Variants in ATXN1 observed in about 807,000 individuals in gnomAD.
ATXN1 encodes the protein ataxin-1.
A neutral mutation model predicts 56.4 loss-of-function variants in ATXN1; 8 were observed. The ratio of observed to expected loss-of-function variants is 0.14; its 90% CI spans 0.08 to 0.26. ATXN1 has a LOEUF of 0.26. ATXN1 is among the 10% of genes least tolerant of loss of function. ATXN1 has a pLI of 1.00. For synonymous variants in ATXN1, 514 were observed against 494.6 expected, an observed-to-expected ratio of 1.04 and a Z score of -0.52; for missense variants, 987 against 1,106.5, an observed-to-expected ratio of 0.89 and a Z score of 1.53.
chr6:16,524,988 G>A lies in ATXN1; in HGVS notation c.-360-2300C>T, dbSNP rs1159147180. ...AATTGCTTGAACTCGGGAGGCAGAA[G>A]TTGCAGTGAGCCAAGATCATGCCAC... is the stretch of plus-strand genomic sequence containing the variant. On this transcript the variant is annotated intron_variant, in intron 4 of 7. Transcript: ENST00000436367. 2.6e-5 allele frequency among the ~76,000 whole-genome samples: 4 copies of A among 152,304 alleles called. No homozygotes were observed. The East Asian group carries it at 7.7e-4, about 29-fold the overall frequency.
chr6:16,761,241 GA>G, intron 1 of ATXN1, 56 bp downstream of exon 1: 1 of 420,666 alleles, frequency 2.4e-6, no homozygotes, highest in Non-Finnish European at 4.8e-6. Context: ...AATAAGGGGA[GA>G]AGGGAATGGG....
At chr6:16,385,245 G>A (rs548397384) in intron 6 of ATXN1, among the ~76,000 whole-genome samples, 67 of 152,334 alleles carry the variant, frequency 4.4e-4, no homozygotes, top group Non-Finnish European at 2.4e-4. Context: ...ATCTCTTGAA[G>A]GTATGGAGAA....
intron 5 of ATXN1, among the ~76,000 whole-genome samples, chr6:16,491,671 C>A (rs1191519555): frequency 1.1e-4 from 16 of 152,112 alleles, no homozygotes; most frequent in Admixed American, 9.2e-4. Context: ...ATGTCCCCTG[C>A]CAGACACACA....
At chr6:16,482,632 G>A (rs938837066) in intron 6 of ATXN1, among the ~76,000 whole-genome samples, 4 of 152,034 alleles carry the variant, frequency 2.6e-5, no homozygotes, top group African/African-American at 7.2e-5. Flanking sequence ...TTCAAAAATC[G>A]TTCCTGTTTA....
At chr6:16,533,729 C>T (rs1272726408) in intron 4 of ATXN1, among the ~76,000 whole-genome samples, 1 of 152,156 alleles carries the variant, frequency 6.6e-6, no homozygotes, top group Non-Finnish European at 1.5e-5. Context: ...AAGTCTTCTT[C>T]TTTCCCTAAC....
At chr6:16,757,688 G>A (rs181876079) in intron 1 of ATXN1, among the ~76,000 whole-genome samples, 40 of 152,292 alleles carry the variant, frequency 2.6e-4, no homozygotes, top group African/African-American at 8.9e-4. Context: ...CTGACTGGCA[G>A]TCACAACTAA....
intron 6 of ATXN1, among the ~76,000 whole-genome samples, chr6:16,361,665 T>A (rs1472123780): frequency 6.6e-6 from 1 of 152,178 alleles, no homozygotes; most frequent in East Asian, 1.9e-4. Context: ...CAGTAATAAA[T>A]TTTACTCCCA....
intron 6 of ATXN1, among the ~76,000 whole-genome samples, chr6:16,350,317 T>C (rs972600590): frequency 3.3e-5 from 5 of 152,230 alleles, no homozygotes; most frequent in Non-Finnish European, 7.3e-5. Flanking sequence ...AAAGCAACTA[T>C]AATGCCTAGC....
chr6:16,457,511 A>C (rs943763086), intron 6 of ATXN1, among the ~76,000 whole-genome samples: 3 of 152,054 alleles, frequency 2.0e-5, no homozygotes, highest in Non-Finnish European at 4.4e-5. Flanking sequence ...CCTGAAAAAG[A>C]AGCGGCTTAT....
At chr6:16,494,659 C>A (rs1034954027) in intron 5 of ATXN1, among the ~76,000 whole-genome samples, 5 of 152,068 alleles carry the variant, frequency 3.3e-5, no homozygotes, top group Non-Finnish European at 5.9e-5. Context: ...TATAATTATA[C>A]ATTGGAGAAA....
intron 6 of ATXN1, among the ~76,000 whole-genome samples, chr6:16,404,592 A>T (rs1457056689): frequency 2.0e-5 from 3 of 152,088 alleles, no homozygotes; most frequent in Admixed American, 2.0e-4. Context: ...CTTTTACCAG[A>T]GTCTGCCTGG....
chr6:16,331,281 G>C (rs939239201), intron 6 of ATXN1, among the ~76,000 whole-genome samples: 4 of 152,214 alleles, frequency 2.6e-5, no homozygotes. Context: ...GATTACAGGC[G>C]TGAGCCACTG....
intron 4 of ATXN1, among the ~76,000 whole-genome samples, chr6:16,549,273 T>C (rs1327741500): frequency 6.6e-6 from 1 of 152,236 alleles, no homozygotes; most frequent in Non-Finnish European, 1.5e-5. Flanking sequence ...TTATGTGCTG[T>C]ACCGAATTGC....
intron 2 of ATXN1, among the ~76,000 whole-genome samples, chr6:16,743,920 G>A (rs1038192138): frequency 6.6e-6 from 1 of 152,204 alleles, no homozygotes; most frequent in Non-Finnish European, 1.5e-5. Context: ...GAGAGATAAG[G>A]AAGGTCCTCA....
chr6:16,328,972 G>A lies in ATXN1; in HGVS notation c.-160-502C>T, dbSNP rs571819584. Among the ~76,000 whole-genome samples the A allele has an allele frequency of 1.4e-4, 22 of 152,092 alleles. No homozygotes were observed. The highest frequency in any genetic ancestry group is 2.1e-4 in the South Asian group (1 of 4,814). ...AACAACAAAAACAAAAACACTAGCC[G>A]TGGCAGCTGCACATTATAAAGGAAG... is the stretch of plus-strand genomic sequence containing the variant. On this transcript the variant is annotated intron_variant, in intron 6 of 7. Coordinates refer to ENST00000436367, the MANE Select transcript of ATXN1 (RefSeq NM_001128164.2). This position sits in a 1 kb window ranked among gnomAD's most constrained non-coding sequence, Gnocchi z 6.2.
At chr6:16,485,594 TTACCCCC>T (rs2113655465) in intron 6 of ATXN1, 1 of 152,248 alleles carries the variant, frequency 6.6e-6, no homozygotes, top group South Asian at 2.1e-4. Context: ...CTGGAGAATT[TTACCCCC>T]TACTCACCAA....
intron 2 of ATXN1, among the ~76,000 whole-genome samples, chr6:16,696,607 A>G (rs1477397697): frequency 6.6e-6 from 1 of 152,212 alleles, no homozygotes; most frequent in African/African-American, 2.4e-5. Context: ...ACAAAATTAA[A>G]TATTTAAATC....
intron 3 of ATXN1, among the ~76,000 whole-genome samples, chr6:16,611,437 G>A (rs1177754574): frequency 6.6e-6 from 1 of 152,136 alleles, no homozygotes; most frequent in Non-Finnish European, 1.5e-5. Context: ...AGAATAAAAA[G>A]ATGACAAAAA....
chr6:16,438,504 G>C (rs1168180073), intron 6 of ATXN1, among the ~76,000 whole-genome samples: 1 of 152,190 alleles, frequency 6.6e-6, no homozygotes. Flanking sequence ...TAAAGGTGAT[G>C]TTCAATCCAT....
Sources: allele counts gnomAD v4.1 joint callset (sites outside exome capture counted in the v4.1 genomes callset), GRCh38; gene constraint gnomAD v4.1.1; non-coding constraint Gnocchi (gnomAD v3.1); transcripts MANE v1.5; gene names NCBI Gene and HGNC (gene_info 2026-07-23, HGNC 2026-07-21).